Variants in COL9A1 observed in about 807,000 individuals in gnomAD.
The protein encoded by COL9A1 is collagen alpha-1(IX) chain.
COL9A1 carries 104 observed loss-of-function variants against 142.6 expected under a neutral mutation model. The ratio of observed to expected loss-of-function variants is 0.73; its 90% CI spans 0.62 to 0.86. COL9A1 has a LOEUF of 0.86. COL9A1 is among the 40% of genes least tolerant of loss of function. The pLI is 0.00. For synonymous variants in COL9A1, 466 were observed against 396.0 expected, an observed-to-expected ratio of 1.18 and a Z score of -2.10; for missense variants, 1,210 against 1,176.6, an observed-to-expected ratio of 1.03 and a Z score of -0.42.
chr6:70,271,746 A>G (rs558589544), intron 13 of COL9A1, 38 bp from the exon 14 acceptor site: 2 of 1,540,862 alleles, frequency 1.3e-6, no homozygotes, highest in Non-Finnish European at 1.8e-6. Context: ...TCATTTATGA[A>G]TATTTTTACA....
chr6:70,295,987 T>C (rs1300503821), intron 4 of COL9A1, among the ~76,000 whole-genome samples: 1 of 152,220 alleles, frequency 6.6e-6, no homozygotes, highest in Non-Finnish European at 1.5e-5. Context: ...CAAATAACCT[T>C]CCTTCAAGTC....
rs750829041 is a variant in COL9A1, at chr6:70,254,918, G to T, written c.1665+45C>A. 1.2e-5 allele frequency: 19 copies of T among 1,566,188 alleles called. No homozygotes were observed. In the East Asian group the frequency reaches 1.8e-4, roughly 15 times the overall value. ...GAAATGCCACACTCAGTTGGCCAGG[G>T]CAGAGACAGCCCCACTCACTCTTGG... On this transcript the variant is annotated intron_variant, in intron 24 of 37. Coordinates refer to ENST00000357250, the MANE Select transcript of COL9A1 (RefSeq NM_001851.6).
intron 28 of COL9A1, among the ~76,000 whole-genome samples, chr6:70,244,066 A>G (rs1187559612): frequency 1.3e-5 from 2 of 152,146 alleles, no homozygotes; most frequent in African/African-American, 2.4e-5. Context: ...AGATCCATAA[A>G]CCTTCTGAAT....
chr6:70,225,980 G>A lies in COL9A1; in HGVS notation c.2533C>T (p.Pro845Ser). 1 of 1,613,750 alleles carries A rather than the reference G, an allele frequency of 6.2e-7. No homozygotes were observed. The highest frequency in any genetic ancestry group is 8.5e-7 in the Non-Finnish European group (1 of 1,179,924). ...GDLGEKGERG[P>S]PGRGPNGLPG... ...AAACCGTTGGGACCTCTTCCTGGAG[G>A]GCCACGCTCCCCCTTTTCTCCCAAG... is the stretch of plus-strand genomic sequence containing the variant. Residue 845 changes from proline (P) to serine (S), a missense_variant, in exon 37 of 38, where the codon CCT becomes TCT. By Grantham distance (74) the Pro-to-Ser change is moderately conservative. Coordinates refer to ENST00000357250, the MANE Select transcript of COL9A1 (RefSeq NM_001851.6).
rs71309305 is a variant in COL9A1, at chr6:70,273,941, TAATAAATAAATA to T, written c.1065+94_1065+105del. 3,579 of 474,162 alleles carry T rather than the reference TAATAAATAAATA, an allele frequency of 7.5e-3. 150 individuals are homozygous for T. The highest frequency in any genetic ancestry group is 0.041 in the African/African-American group (1,841 of 45,008). 29.4% of individuals were successfully genotyped at this position (474,162 alleles called of 1,614,324 possible). On this transcript the variant is annotated intron_variant, in intron 12 of 37. Coordinates refer to ENST00000357250, the MANE Select transcript of COL9A1 (RefSeq NM_001851.6). ...ATGTACCCTAAAACTTAAAGTATAA[TAATAAATAAATA>T]AATAAATAAATAAATAAATAAAAAG...
intron 5 of COL9A1, among the ~76,000 whole-genome samples, chr6:70,288,860 A>G (rs1321061): frequency 0.17 from 26,448 of 152,044 alleles, 3,329 homozygotes; most frequent in East Asian, 0.46. Context: ...CTCCACATAT[A>G]CTTATGTATT....
In COL9A1 at chr6:70,216,863, G is replaced by T; in HGVS notation, c.*34C>A. On this transcript the variant is annotated 3_prime_UTR_variant, in exon 38 of 38. Coordinates refer to ENST00000357250, the MANE Select transcript of COL9A1 (RefSeq NM_001851.6). ...TCACCCAGGCTCCTTCACCAGGCGT[G>T]GTTCATGCAGACAGCCATGCAGCAG... is the stretch of plus-strand genomic sequence containing the variant. 1 of 1,611,600 alleles carries T rather than the reference G, an allele frequency of 6.2e-7. No individual in the cohort carries two copies. The highest frequency in any genetic ancestry group is 2.2e-5 in the East Asian group (1 of 44,850).
At position 70,270,316 on chromosome 6, in the gene COL9A1, T is replaced by A; in HGVS notation, c.1195A>T (p.Arg399Ter). Residue 399 changes from arginine (R) to a stop codon, truncating the protein, a stop_gained and splice_region_variant, in exon 15 of 38, where the codon AGA becomes TGA. Coordinates refer to ENST00000357250, the MANE Select transcript of COL9A1 (RefSeq NM_001851.6). LOFTEE classifies it high-confidence loss of function. ...PPGPPGPPGP[R>*]GTIGFHDGDP... Reference sequence around the variant, plus strand: ...AATTCAAGCTGCAAATAACTTACTCTGGGTCCTGGGGGGCCAGGGGGGCCA... The same window carrying A: ...AATTCAAGCTGCAAATAACTTACTCAGGGTCCTGGGGGGCCAGGGGGGCCA... 2 of 1,613,838 alleles carry A rather than the reference T, an allele frequency of 1.2e-6. No homozygotes were observed. Among genetic ancestry groups the A allele is most frequent in the Non-Finnish European group, 1.7e-6 (2 of 1,179,762 alleles).
intron 10 of COL9A1, chr6:70,279,932 G>C: frequency 5.0e-6 from 3 of 600,902 alleles, no homozygotes; most frequent in Admixed American, 2.4e-5. Context: ...AGAGTAACTT[G>C]AGTGATGCAC....
chr6:70,254,365 C>T (rs1771132941), intron 25 of COL9A1, 111 bp downstream of exon 25: 2 of 917,996 alleles, frequency 2.2e-6, no homozygotes, highest in Non-Finnish European at 3.4e-6. Flanking sequence ...AAAAGTAAAA[C>T]ATCATATCTT....
rs954885418 is a variant in COL9A1, at chr6:70,247,957, G to T, written c.1872+4163C>A. On this transcript the variant is annotated intron_variant, in intron 28 of 37. Transcript: ENST00000357250. ...TCTGTCATTGAGGCTGTTGGTATTG[G>T]AGGGGTGGTAAAGGACTACGAGAGA... 3.3e-5 allele frequency among the ~76,000 whole-genome samples: 5 copies of T among 152,198 alleles called. No homozygotes were observed. In the East Asian group the frequency reaches 9.6e-4, roughly 29 times the overall value.
intron 4 of COL9A1, among the ~76,000 whole-genome samples, chr6:70,295,307 T>A (rs936067410): frequency 6.8e-6 from 1 of 147,396 alleles, no homozygotes; most frequent in Non-Finnish European, 1.5e-5. Flanking sequence ...TTTTTTTTTT[T>A]ATGGAGTCTC....
intron 4 of COL9A1, among the ~76,000 whole-genome samples, chr6:70,297,888 CA>C (rs10718346): frequency 0.32 from 47,290 of 149,472 alleles, 9,101 homozygotes; most frequent in African/African-American, 0.53. Flanking sequence ...TTAAGTCTTT[CA>C]AAAAAAAAAT....
intron 1 of COL9A1, 124 bp from the exon 2 acceptor site, chr6:70,302,198 T>C: frequency 1.7e-6 from 1 of 588,374 alleles, no homozygotes; most frequent in Non-Finnish European, 3.0e-6. Flanking sequence ...AGTTTTTTTT[T>C]CATTTCTTTT....
chr6:70,242,306 C>G (rs959634864), intron 29 of COL9A1: 1 of 586,206 alleles, frequency 1.7e-6, no homozygotes, highest in Non-Finnish European at 3.0e-6. Context: ...CCCGCCACCC[C>G]CGCACTGCCT....
chr6:70,290,872 T>C (rs1030335919), intron 5 of COL9A1, among the ~76,000 whole-genome samples: 1 of 152,172 alleles, frequency 6.6e-6, no homozygotes, highest in African/African-American at 2.4e-5. Context: ...CTTTTTCTTA[T>C]TGTTTTTATG....
At chr6:70,256,614 C>T (rs561113155) in intron 21 of COL9A1, among the ~76,000 whole-genome samples, 154 bp downstream of exon 21, 1 of 151,900 alleles carries the variant, frequency 6.6e-6, no homozygotes, top group South Asian at 2.1e-4. Flanking sequence ...GAGAAAGATA[C>T]CTGTCTTAAT....
chr6:70,281,900 G>A (rs1443492822), intron 7 of COL9A1, among the ~76,000 whole-genome samples: 1 of 152,176 alleles, frequency 6.6e-6, no homozygotes. Context: ...CTCCACACCA[G>A]GATCTTTGTC....
At chr6:70,231,343 G>A (rs1418098695) in intron 36 of COL9A1, among the ~76,000 whole-genome samples, 3 of 152,186 alleles carry the variant, frequency 2.0e-5, no homozygotes, top group Admixed American at 1.3e-4. Flanking sequence ...ACCATAGAGA[G>A]AGCACCTAAG....
Sources: allele counts gnomAD v4.1 joint callset (sites outside exome capture counted in the v4.1 genomes callset), GRCh38; gene constraint gnomAD v4.1.1; transcripts MANE v1.5; gene names NCBI Gene and HGNC (gene_info 2026-07-23, HGNC 2026-07-21).